Variants in LRRC1 observed in about 807,000 individuals in gnomAD.
LRRC1 encodes the protein leucine-rich repeat-containing protein 1.
LRRC1 carries 28 observed loss-of-function variants against 69.9 expected under a neutral mutation model. That is an observed-to-expected ratio of 0.40 (90% CI 0.30 to 0.55). The LOEUF (loss-of-function observed/expected upper bound fraction) is 0.55. LRRC1 is among the 20% of genes least tolerant of loss of function. The pLI is 0.47. For synonymous variants in LRRC1, 236 were observed against 240.2 expected, an observed-to-expected ratio of 0.98 and a Z score of 0.16; for missense variants, 498 against 609.0, an observed-to-expected ratio of 0.82 and a Z score of 1.92.
At chr6:53,899,475 A>G (rs893673462) in intron 7 of LRRC1, among the ~76,000 whole-genome samples, 2 of 150,178 alleles carry the variant, frequency 1.3e-5, no homozygotes, top group East Asian at 2.1e-4. Context: ...TTTCTCCTGT[A>G]TCTTCACCTA....
At chr6:53,845,316 A>AT (rs2127417381) in intron 2 of LRRC1, among the ~76,000 whole-genome samples, 1 of 152,322 alleles carries the variant, frequency 6.6e-6, no homozygotes, top group East Asian at 1.9e-4. Context: ...GGTCAAGCAG[A>AT]TCTCAGTATG....
At chr6:53,809,150 TATA>T (rs1323653635) in intron 1 of LRRC1, among the ~76,000 whole-genome samples, 3 of 152,220 alleles carry the variant, frequency 2.0e-5, no homozygotes, top group African/African-American at 7.2e-5. Context: ...ATTCAGCTAT[TATA>T]TACTATTTTT....
At chr6:53,833,043 G>A (rs1159510518) in intron 1 of LRRC1, among the ~76,000 whole-genome samples, 2 of 151,894 alleles carry the variant, frequency 1.3e-5, no homozygotes, top group Non-Finnish European at 2.9e-5. Context: ...GTTTCAGTTC[G>A]ATATCTTTTT....
intron 1 of LRRC1, among the ~76,000 whole-genome samples, chr6:53,817,976 A>G (rs1765000595): frequency 6.6e-6 from 1 of 152,246 alleles, no homozygotes; most frequent in African/African-American, 2.4e-5. Context: ...TATTTTAAAG[A>G]GCATTTTATG....
intron 13 of LRRC1, among the ~76,000 whole-genome samples, chr6:53,921,685 G>A (rs1768747834): frequency 3.3e-5 from 5 of 152,176 alleles, no homozygotes; most frequent in Admixed American, 3.3e-4. Flanking sequence ...AACTAATTGA[G>A]AGTTTTCTTA....
At chr6:53,850,980 A>G (rs1031705834) in intron 2 of LRRC1, among the ~76,000 whole-genome samples, 1 of 152,142 alleles carries the variant, frequency 6.6e-6, no homozygotes, top group Non-Finnish European at 1.5e-5. Context: ...GGCCAATTTT[A>G]TGCCCCTGAC....
rs1765759485 is a variant in LRRC1, at chr6:53,840,884, T to TG, written c.160-1226_160-1225insG. Reference sequence around the variant, plus strand: ...TCCTCTGGGGTGGGGGGGTATGTGTTTGTGTGTGTGTGTGTGTGTGTGTGT... The same window carrying TG: ...TCCTCTGGGGTGGGGGGGTATGTGTTGTGTGTGTGTGTGTGTGTGTGTGTGT... On this transcript the variant is annotated intron_variant, in intron 1 of 13. Coordinates refer to ENST00000370888, the MANE Select transcript of LRRC1 (RefSeq NM_018214.5). 4.0e-5 allele frequency among the ~76,000 whole-genome samples: 5 copies of TG among 125,298 alleles called. No individual in the cohort carries two copies. The South Asian group carries it at 1.1e-3, about 27-fold the overall frequency. 82.2% of individuals were successfully genotyped at this position (125,298 alleles called of 152,430 possible). A position where few individuals can be genotyped will look rare whatever the true frequency, so the allele number is the denominator to read the frequency against.
intron 2 of LRRC1, among the ~76,000 whole-genome samples, chr6:53,868,556 C>T (rs1474343195): frequency 1.3e-5 from 2 of 152,094 alleles, no homozygotes; most frequent in South Asian, 2.1e-4. Flanking sequence ...ATTATTTGGC[C>T]TTGAATGGAA....
At chr6:53,894,278 A>C (rs1268628901) in intron 4 of LRRC1, among the ~76,000 whole-genome samples, 1 of 152,200 alleles carries the variant, frequency 6.6e-6, no homozygotes, top group Non-Finnish European at 1.5e-5. Flanking sequence ...ATTACTAACC[A>C]GATGAGATGG....
At chr6:53,808,555 A>G (rs991090071) in intron 1 of LRRC1, among the ~76,000 whole-genome samples, 1 of 152,200 alleles carries the variant, frequency 6.6e-6, no homozygotes, top group Non-Finnish European at 1.5e-5. Context: ...GCTATATTTC[A>G]CATAAACTGG....
chr6:53,797,056 AACTGGAAGATTTCCTTTG>A (rs1471544563), intron 1 of LRRC1, among the ~76,000 whole-genome samples: 2 of 151,982 alleles, frequency 1.3e-5, no homozygotes, highest in Admixed American at 6.6e-5. Context: ...TCTTTTGTAG[AACTGGAAGATTTCCTTTG>A]ACTGGATTGG....
At chr6:53,914,922 G>A (rs1393854693) in intron 11 of LRRC1, among the ~76,000 whole-genome samples, 2 of 152,176 alleles carry the variant, frequency 1.3e-5, no homozygotes, top group Admixed American at 6.5e-5. Flanking sequence ...TCTGATTTAT[G>A]TGTCATTGTG....
At chr6:53,800,247 C>CTTTTTTTTTT (rs55960000) in intron 1 of LRRC1, among the ~76,000 whole-genome samples, 7 of 89,554 alleles carry the variant, frequency 7.8e-5, no homozygotes, top group African/African-American at 2.2e-4. Flanking sequence ...GTTTCTTTTT[C>CTTTTTTTTTT]TTTTTTTTTT....
chr6:53,883,942 C>T (rs1767383767), intron 4 of LRRC1: 1 of 718,006 alleles, frequency 1.4e-6, no homozygotes, highest in Admixed American at 2.0e-5. Context: ...TCCTTTCTAT[C>T]CTCTTCAGGC....
chr6:53,844,954 C>G (rs1214878818), intron 2 of LRRC1, among the ~76,000 whole-genome samples: 1 of 152,152 alleles, frequency 6.6e-6, no homozygotes, highest in Non-Finnish European at 1.5e-5. Context: ...CCTGTAATCC[C>G]GGCACTTTGG....
chr6:53,909,609 G>GA lies in LRRC1; in HGVS notation c.991-4233dup, dbSNP rs113333784. On this transcript the variant is annotated intron_variant, in intron 10 of 13. Transcript: ENST00000370888. Reference sequence around the variant, plus strand: ...AATGTAAGGTACTTTTTTATAATCAGAAAAAAAAAAAAGAATTCCGTAGCT... The same window carrying GA: ...AATGTAAGGTACTTTTTTATAATCAGAAAAAAAAAAAAAGAATTCCGTAGCT... Among the ~76,000 whole-genome samples the GA allele has an allele frequency of 3.0e-3, 406 of 134,344 alleles. 4 individuals carry two copies. In the East Asian group the frequency reaches 0.046, roughly 15 times the overall value. 88.1% of individuals were successfully genotyped at this position (134,344 alleles called of 152,430 possible).
intron 2 of LRRC1, among the ~76,000 whole-genome samples, chr6:53,852,644 T>C (rs756243613): frequency 1.3e-5 from 2 of 152,172 alleles, no homozygotes; most frequent in Non-Finnish European, 2.9e-5. Context: ...GAGAGGTGCT[T>C]TTCATTGTTT....
intron 1 of LRRC1, among the ~76,000 whole-genome samples, chr6:53,822,858 T>G (rs1765154517): frequency 1.3e-5 from 2 of 152,172 alleles, no homozygotes; most frequent in African/African-American, 4.8e-5. Context: ...TCTTGGGAGA[T>G]GTAGGCATAT....
rs1441356556 is a variant in LRRC1, at chr6:53,923,621, AC to A, written c.*829del. The A allele has an allele frequency of 6.6e-6, 1 of 152,638 alleles. No individual in the cohort carries two copies. The highest frequency in any genetic ancestry group is 1.5e-5 in the Non-Finnish European group (1 of 68,032). The allele number at this position is 152,638 out of a possible 1,614,324, so 9.5% of individuals were successfully genotyped here. ...TTTGACTGCTAATATTTTATTCCTT[AC>A]ACTTTTTTTCTGAATAAGTCTCTCA... On this transcript the variant is annotated 3_prime_UTR_variant, in exon 14 of 14. Transcript: ENST00000370888.
Sources: allele counts gnomAD v4.1 joint callset (sites outside exome capture counted in the v4.1 genomes callset), GRCh38; gene constraint gnomAD v4.1.1; transcripts MANE v1.5; gene names NCBI Gene and HGNC (gene_info 2026-07-23, HGNC 2026-07-21).